Variants in GALNT13 observed in about 807,000 individuals in gnomAD.
GALNT13 encodes the protein polypeptide N-acetylgalactosaminyltransferase 13.
A neutral mutation model predicts 64.2 loss-of-function variants in GALNT13; 28 were observed. The observed-to-expected ratio is 0.44, with a 90% CI of 0.32 to 0.60. GALNT13 has a LOEUF of 0.60. Among genes scored for constraint, GALNT13 ranks in the 20% least tolerant of loss-of-function variants. GALNT13 has a pLI of 0.05. For synonymous variants in GALNT13, 214 were observed against 224.6 expected (o/e 0.95, Z 0.42); for missense variants, 577 against 669.8 (o/e 0.86, Z 1.53).
At chr2:153,649,129 C>A in the GALNT13 span, among the ~76,000 whole-genome samples, 1 of 152,112 alleles carries the variant, frequency 6.6e-6, no homozygotes, top group Non-Finnish European at 1.5e-5. Context: ...TTAATTATTG[C>A]CTCAGTTTCA....
the GALNT13 span, among the ~76,000 whole-genome samples, chr2:153,402,651 T>G: frequency 6.6e-6 from 1 of 152,278 alleles, no homozygotes; most frequent in South Asian, 2.1e-4. Context: ...TTCTCTAAAC[T>G]TCCCTTCTCG....
chr2:153,682,480 A>C, the GALNT13 span, among the ~76,000 whole-genome samples: 1 of 151,682 alleles, frequency 6.6e-6, no homozygotes, highest in African/African-American at 2.4e-5. Flanking sequence ...ACGTGCATAT[A>C]TCACTCCCTC....
the GALNT13 span, among the ~76,000 whole-genome samples, chr2:153,565,436 T>C: frequency 6.6e-6 from 1 of 152,146 alleles, no homozygotes; most frequent in African/African-American, 2.4e-5. Flanking sequence ...GCTTCCAAAT[T>C]ATCTTTTAGC....
the GALNT13 span, among the ~76,000 whole-genome samples, chr2:153,866,423 A>C: frequency 6.6e-6 from 1 of 152,280 alleles, no homozygotes; most frequent in Non-Finnish European, 1.5e-5. Flanking sequence ...TAAACAAATA[A>C]ATCTATTTTT....
At chr2:154,347,339 T>G (rs1696126975) in intron 9 of GALNT13, among the ~76,000 whole-genome samples, 1 of 152,136 alleles carries the variant, frequency 6.6e-6, no homozygotes, top group Admixed American at 6.6e-5. Flanking sequence ...CACTTGATCT[T>G]TCATATTTGT....
At chr2:153,221,919 T>G in the GALNT13 span, among the ~76,000 whole-genome samples, 126,898 of 152,138 alleles carry the variant, frequency 0.83, 54,150 homozygotes, top group African/African-American at 0.93. Flanking sequence ...CCCAAAGAAG[T>G]TGTCACAGCC....
chr2:153,853,338 T>A, the GALNT13 span, among the ~76,000 whole-genome samples: 3 of 152,298 alleles, frequency 2.0e-5, no homozygotes, highest in East Asian at 5.8e-4. Context: ...AACAATACTT[T>A]GTATCCTTCA....
At chr2:153,364,368 C>T in the GALNT13 span, among the ~76,000 whole-genome samples, 6 of 151,462 alleles carry the variant, frequency 4.0e-5, no homozygotes, top group East Asian at 1.2e-3. Context: ...GTTCAACATA[C>T]TATTGGAAGT....
intron 4 of GALNT13, among the ~76,000 whole-genome samples, chr2:154,163,673 C>T (rs548392932): frequency 6.6e-6 from 1 of 151,940 alleles, no homozygotes; most frequent in Non-Finnish European, 1.5e-5. Flanking sequence ...GTAACAAGCC[C>T]GAAGCTATCT....
At chr2:153,979,835 A>G (rs1181749105) in intron 3 of GALNT13, among the ~76,000 whole-genome samples, 1 of 152,194 alleles carries the variant, frequency 6.6e-6, no homozygotes, top group African/African-American at 2.4e-5. Flanking sequence ...TAAAATGTTT[A>G]AGCCTCGTCA....
the GALNT13 span, among the ~76,000 whole-genome samples, chr2:153,280,812 A>C: frequency 6.6e-6 from 1 of 152,196 alleles, no homozygotes; most frequent in Non-Finnish European, 1.5e-5. Context: ...TATGTTCCAC[A>C]TGCAGATGAG....
the GALNT13 span, among the ~76,000 whole-genome samples, chr2:153,097,314 GTATTA>G: frequency 6.6e-6 from 1 of 152,000 alleles, no homozygotes; most frequent in Non-Finnish European, 1.5e-5. Context: ...CACAGTTACA[GTATTA>G]TATTCTATGT....
At chr2:153,464,606 C>T in the GALNT13 span, among the ~76,000 whole-genome samples, 4 of 151,918 alleles carry the variant, frequency 2.6e-5, no homozygotes, top group African/African-American at 9.7e-5. Context: ...TATATTATAG[C>T]GAGCAGTATT....
At chr2:153,347,573 A>G in the GALNT13 span, among the ~76,000 whole-genome samples, 2 of 152,242 alleles carry the variant, frequency 1.3e-5, no homozygotes, top group African/African-American at 4.8e-5. Context: ...ATGAAGGCAT[A>G]TAGCACTTGA....
At chr2:153,815,547 T>A in the GALNT13 span, among the ~76,000 whole-genome samples, 2 of 152,232 alleles carry the variant, frequency 1.3e-5, no homozygotes, top group African/African-American at 4.8e-5. Flanking sequence ...TCCTTCAGTA[T>A]CCTTACTCTC....
chr2:153,215,227 A>C, the GALNT13 span, among the ~76,000 whole-genome samples: 1 of 152,152 alleles, frequency 6.6e-6, no homozygotes, highest in Admixed American at 6.5e-5. Context: ...CTAAATTCTC[A>C]TTGTTCTCAA....
intron 4 of GALNT13, among the ~76,000 whole-genome samples, chr2:154,157,737 C>G (rs1490834852): frequency 6.6e-6 from 1 of 152,162 alleles, no homozygotes; most frequent in Non-Finnish European, 1.5e-5. Context: ...CTTTTATCCC[C>G]ACAATACAGC....
At chr2:154,380,487 T>C (rs1278878694) in intron 9 of GALNT13, among the ~76,000 whole-genome samples, 2 of 152,050 alleles carry the variant, frequency 1.3e-5, no homozygotes, top group African/African-American at 2.4e-5. Context: ...TTAATGTATA[T>C]ATTAAGAAAT....
the GALNT13 span, among the ~76,000 whole-genome samples, chr2:153,100,789 G>A: frequency 5.9e-5 from 9 of 152,112 alleles, no homozygotes; most frequent in African/African-American, 1.9e-4. Flanking sequence ...AGCACTTTGC[G>A]GGGCTGAGGC....
Sources: gnomAD v4.1 joint callset for allele counts (sites outside exome capture counted in the v4.1 genomes callset) on GRCh38, gnomAD v4.1.1 for gene constraint, MANE v1.5 for transcripts, NCBI Gene and HGNC (gene_info 2026-07-23, HGNC 2026-07-21) for gene names.